Variants in SPAST observed in about 807,000 individuals in gnomAD.
The protein encoded by SPAST is spastin.
In SPAST, 30 loss-of-function variants were observed where a neutral mutation model predicts 76.6. The observed-to-expected ratio is 0.39, with a 90% confidence interval of 0.29 to 0.53. The LOEUF is 0.53. Among genes scored for constraint, SPAST ranks in the 20% least tolerant of loss-of-function variants. SPAST has a pLI of 0.68. For synonymous variants in SPAST, 305 were observed against 281.0 expected (o/e 1.09, Z -0.86); for missense variants, 717 against 770.5 (o/e 0.93, Z 0.82).
Position 32,154,402 on chromosome 2 carries a change from C to G in SPAST, c.1757C>G (p.Thr586Ser). Residue 586 changes from threonine to serine, a missense_variant, in exon 17 of 17, where the codon ACT (threonine) becomes AGT (serine). Thr to Ser is a moderately conservative substitution (Grantham distance 58). Transcript: ENST00000315285. ...EMRNIRLSDF[T>S]ESLKKIKRSV... ...AGAAATATTCGATTATCTGACTTCA[C>G]TGAATCCTTGAAAAAAATAAAACGC... The G allele has an allele frequency of 6.2e-7, 1 of 1,612,844 alleles. No individual in the cohort carries two copies. Among genetic ancestry groups the G allele is most frequent in the Non-Finnish European group, 8.5e-7 (1 of 1,178,936 alleles).
At position 32,074,758 on chromosome 2, in the gene SPAST, C is replaced by T. The variant is rs915004071; in HGVS notation, c.415+10512C>T. 2.0e-5 allele frequency among the ~76,000 whole-genome samples: 3 copies of T among 152,112 alleles called. No individual in the cohort carries two copies. In the East Asian group the frequency reaches 5.8e-4, roughly 29 times the overall value. On this transcript the variant is annotated intron_variant, in intron 1 of 16. Coordinates refer to ENST00000315285, the MANE Select transcript of SPAST (RefSeq NM_014946.4). ...CGGACCTCAAGCAATCCATCTGCCT[C>T]AGCCTCCCAAAGTGCTGAGATTACA...
intron 12 of SPAST, among the ~76,000 whole-genome samples, chr2:32,137,670 G>C (rs1286602334): frequency 6.6e-6 from 1 of 152,148 alleles, no homozygotes; most frequent in Non-Finnish European, 1.5e-5. Flanking sequence ...TAGTGTAAAA[G>C]TCTGAATCCA....
At chr2:32,124,354 A>G (rs764230393) in intron 7 of SPAST, among the ~76,000 whole-genome samples, 4 of 152,330 alleles carry the variant, frequency 2.6e-5, no homozygotes, top group East Asian at 3.9e-4. Flanking sequence ...GCTGAAATCT[A>G]AAACACTGAC....
At chr2:32,087,632 G>A (rs573578670) in intron 2 of SPAST, 54 bp downstream of exon 2, 58 of 718,796 alleles carry the variant, frequency 8.1e-5, no homozygotes, top group East Asian at 5.6e-4. Flanking sequence ...TCACATGATT[G>A]TCCAGATTTC....
At chr2:32,077,427 A>G (rs1677009891) in intron 1 of SPAST, among the ~76,000 whole-genome samples, 1 of 152,226 alleles carries the variant, frequency 6.6e-6, no homozygotes, top group Non-Finnish European at 1.5e-5. Flanking sequence ...AGTATAATAA[A>G]GATACTAAAA....
chr2:32,074,331 T>A (rs1358393451), intron 1 of SPAST, among the ~76,000 whole-genome samples: 1 of 152,190 alleles, frequency 6.6e-6, no homozygotes, highest in Non-Finnish European at 1.5e-5. Flanking sequence ...TCAGTGTTCA[T>A]GTTTTGCCTG....
At chr2:32,112,417 G>A (rs1369270506) in intron 4 of SPAST, among the ~76,000 whole-genome samples, 3 of 132,602 alleles carry the variant, frequency 2.3e-5, no homozygotes, top group African/African-American at 5.7e-5. Context: ...GAGTGATCTT[G>A]GCTCACCGCA....
Position 32,116,191 on chromosome 2 carries a change from T to A in SPAST, c.1077T>A (p.Ile359=). 1 of 1,612,792 alleles carries A rather than the reference T, an allele frequency of 6.2e-7. No individual in the cohort carries two copies. The highest frequency in any genetic ancestry group is 8.5e-7 in the Non-Finnish European group (1 of 1,178,942). Residue 359 remains isoleucine, a synonymous_variant, in exon 7 of 17, where the codon ATT becomes ATA. Transcript: ENST00000315285. ...AACAAGCATTGCAAGAAATTGTTAT[T>A]CTTCCTTCTCTGAGGCCTGAGGTAA... ...LAKQALQEIV[I]LPSLRPELFT... is the part of the protein sequence containing the mutation.
At chr2:32,118,000 G>A (rs1678899906) in intron 7 of SPAST, among the ~76,000 whole-genome samples, 2 of 152,190 alleles carry the variant, frequency 1.3e-5, no homozygotes, top group East Asian at 3.9e-4. Flanking sequence ...TCCATACTTA[G>A]CACCGTTTTG....
chr2:32,117,057 G>A (rs1678861762), intron 7 of SPAST, among the ~76,000 whole-genome samples: 1 of 151,938 alleles, frequency 6.6e-6, no homozygotes, highest in Non-Finnish European at 1.5e-5. Flanking sequence ...TCAAGAGATT[G>A]AGACCATCCT....
At chr2:32,114,318 G>T (rs1414476177) in intron 4 of SPAST, among the ~76,000 whole-genome samples, 1 of 152,128 alleles carries the variant, frequency 6.6e-6, no homozygotes, top group African/African-American at 2.4e-5. Context: ...TTTGAGGTGG[G>T]AGGATGGATC....
At chr2:32,089,732 G>A (rs1055324027) in intron 3 of SPAST, 127 bp downstream of exon 3, 8 of 660,310 alleles carry the variant, frequency 1.2e-5, no homozygotes, top group South Asian at 6.5e-5. Context: ...TAAAGAAAAC[G>A]TATAACATAT....
chr2:32,103,483 C>G (rs1302564978), intron 4 of SPAST, among the ~76,000 whole-genome samples: 1 of 152,052 alleles, frequency 6.6e-6, no homozygotes, highest in Non-Finnish European at 1.5e-5. Flanking sequence ...CTGCTCTGAT[C>G]TTAGTTATTT....
chr2:32,095,063 T>C (rs773293912), intron 3 of SPAST, among the ~76,000 whole-genome samples: 13 of 152,228 alleles, frequency 8.5e-5, no homozygotes, highest in Non-Finnish European at 8.8e-5. Flanking sequence ...TTATAGACTC[T>C]AAGGGTAGAA....
rs1311117349 is a variant in SPAST at position 32,157,028 on chromosome 2, G to T, written c.*2532G>T. The T allele has an allele frequency of 6.6e-6, 1 of 152,326 alleles. No individual in the cohort carries two copies. Among genetic ancestry groups the T allele is most frequent in the Non-Finnish European group, 1.5e-5 (1 of 68,008 alleles). The allele number at this position is 152,326 out of a possible 1,614,324, so 9.4% of individuals were successfully genotyped here. A position where few individuals can be genotyped will look rare whatever the true frequency, so the allele number is the denominator to read the frequency against. Reference sequence around the variant, plus strand: ...TAGTAGGAGATAAGGGATTGGTTTGGTCTTTTTCAATAAAGATAGAAGTTG... The same window carrying T: ...TAGTAGGAGATAAGGGATTGGTTTGTTCTTTTTCAATAAAGATAGAAGTTG... On this transcript the variant is annotated 3_prime_UTR_variant, in exon 17 of 17. Transcript: ENST00000315285.
At chr2:32,105,877 A>C (rs536467031) in intron 4 of SPAST, among the ~76,000 whole-genome samples, 167 of 152,246 alleles carry the variant, frequency 1.1e-3, no homozygotes, top group African/African-American at 3.9e-3. Context: ...CCGTATGGGG[A>C]GGTGTCTCCC....
intron 4 of SPAST, among the ~76,000 whole-genome samples, chr2:32,104,030 C>G (rs1573096420): frequency 6.6e-6 from 1 of 151,864 alleles, no homozygotes; most frequent in South Asian, 2.1e-4. Flanking sequence ...TCTTGTTGAT[C>G]TGTCTAATAT....
In SPAST at chr2:32,154,291, C is replaced by T. The variant is rs1445952234; in HGVS notation, c.1729-83C>T. On this transcript the variant is annotated intron_variant, in intron 16 of 16. Transcript: ENST00000315285. Reference sequence around the variant, plus strand: ...TTTTTATAACATTAAGAAACAGCAGCATCATTACTTTAATCCATCATTTCG... The same window carrying T: ...TTTTTATAACATTAAGAAACAGCAGTATCATTACTTTAATCCATCATTTCG... The T allele has an allele frequency of 4.4e-6, 5 of 1,142,862 alleles. No homozygotes were observed. The Admixed American group carries it at 8.8e-5, about 20-fold the overall frequency. 70.8% of individuals were successfully genotyped at this position (1,142,862 alleles called of 1,614,324 possible).
chr2:32,112,336 C>G lies in SPAST; in HGVS notation c.683-2302C>G, dbSNP rs185743782. Among the ~76,000 whole-genome samples the G allele has an allele frequency of 7.0e-3, 1,034 of 146,680 alleles. 11 individuals carry two copies. Among genetic ancestry groups the G allele is most frequent in the Admixed American group, 0.012 (179 of 14,390 alleles). On this transcript the variant is annotated intron_variant, in intron 4 of 16. Coordinates refer to ENST00000315285, the MANE Select transcript of SPAST (RefSeq NM_014946.4). ...TTCTAGAACCTCGTTTTAAGGTATC[C>G]TGAATGTGGCTTTTTTTTTTTTTTT...
Sources: gnomAD v4.1 joint callset for allele counts (sites outside exome capture counted in the v4.1 genomes callset) on GRCh38, gnomAD v4.1.1 for gene constraint, MANE v1.5 for transcripts, NCBI Gene and HGNC (gene_info 2026-07-23, HGNC 2026-07-21) for gene names.